CTNNA3: variants seen among roughly 807,000 people sequenced by gnomAD.
CTNNA3 encodes the protein catenin alpha-3.
Under a neutral mutation model 95.7 loss-of-function variants are expected in CTNNA3, and 76 were observed. The ratio of observed to expected loss-of-function variants is 0.79; its 90% CI spans 0.66 to 0.96. The LOEUF (loss-of-function observed/expected upper bound fraction) is 0.96. Among genes scored for constraint, CTNNA3 ranks in the 40% least tolerant of loss-of-function variants. CTNNA3 has a pLI of 0.00. For synonymous variants in CTNNA3, 431 were observed against 374.4 expected, an observed-to-expected ratio of 1.15 and a Z score of -1.74; for missense variants, 1,191 against 1,089.8, an observed-to-expected ratio of 1.09 and a Z score of -1.31.
At chr10:66,791,045 C>G (rs538418756) in intron 7 of CTNNA3, among the ~76,000 whole-genome samples, 61 of 152,210 alleles carry the variant, frequency 4.0e-4, no homozygotes, top group Middle Eastern at 6.8e-3. Context: ...TTTTACCCTC[C>G]CAGTGTTCAA....
intron 12 of CTNNA3, among the ~76,000 whole-genome samples, chr10:66,344,719 A>T (rs1004350160): frequency 9.9e-5 from 15 of 152,114 alleles, no homozygotes; most frequent in African/African-American, 3.6e-4. Flanking sequence ...ATGAAAGTTT[A>T]TGATTTCTAT....
chr10:67,713,296 G>A (rs1383175246), intron 1 of CTNNA3, among the ~76,000 whole-genome samples: 6 of 152,204 alleles, frequency 3.9e-5, no homozygotes, highest in Non-Finnish European at 8.8e-5. Context: ...AGATGCTGGA[G>A]AGCATGTGGA....
At chr10:67,386,758 G>T (rs1261335882) in intron 5 of CTNNA3, among the ~76,000 whole-genome samples, 1 of 152,170 alleles carries the variant, frequency 6.6e-6, no homozygotes, top group African/African-American at 2.4e-5. Flanking sequence ...TACTGAGAAT[G>T]ATAAAGGTAG....
chr10:67,052,767 G>C (rs1855191316), intron 7 of CTNNA3: 1 of 151,914 alleles, frequency 6.6e-6, no homozygotes, highest in South Asian at 2.1e-4. Flanking sequence ...AACAAACAAA[G>C]AAACAAACAA....
At chr10:66,320,235 G>A (rs1036356732) in intron 12 of CTNNA3, among the ~76,000 whole-genome samples, 4 of 152,004 alleles carry the variant, frequency 2.6e-5, no homozygotes, top group Non-Finnish European at 5.9e-5. Context: ...TTAGGCTGCT[G>A]TTTTAATTTC....
At chr10:67,211,877 A>C (rs1864153514) in intron 6 of CTNNA3, among the ~76,000 whole-genome samples, 1 of 152,070 alleles carries the variant, frequency 6.6e-6, no homozygotes, top group South Asian at 2.1e-4. Flanking sequence ...TTGCTCCTCT[A>C]TAAAGTACAC....
intron 3 of CTNNA3, among the ~76,000 whole-genome samples, chr10:67,569,897 G>A (rs1028640861): frequency 5.9e-5 from 9 of 151,830 alleles, no homozygotes; most frequent in Non-Finnish European, 1.3e-4. Context: ...TTCTCTTCTC[G>A]AGAGACTTTT....
At chr10:67,531,424 C>A (rs894828250) in intron 4 of CTNNA3, among the ~76,000 whole-genome samples, 2 of 152,168 alleles carry the variant, frequency 1.3e-5, no homozygotes, top group Non-Finnish European at 2.9e-5. Context: ...CAAAGGAGAT[C>A]ATTTTGGAGC....
chr10:66,035,982 C>A (rs549971580), intron 15 of CTNNA3, among the ~76,000 whole-genome samples: 1 of 152,122 alleles, frequency 6.6e-6, no homozygotes, highest in Non-Finnish European at 1.5e-5. Flanking sequence ...CCCATTTACT[C>A]TTATCCCACA....
chr10:66,909,573 T>TTCTGAAGGAAA (rs1846137119), intron 7 of CTNNA3, among the ~76,000 whole-genome samples: 1 of 152,020 alleles, frequency 6.6e-6, no homozygotes, highest in Admixed American at 6.5e-5. Context: ...GAAATTTCCT[T>TTCTGAAGGAAA]CAGAACAGGA....
chr10:66,761,387 G>A (rs899019612), intron 9 of CTNNA3, among the ~76,000 whole-genome samples: 1 of 151,970 alleles, frequency 6.6e-6, no homozygotes, highest in Non-Finnish European at 1.5e-5. Flanking sequence ...TCAAAGCACC[G>A]ACAAACCTGG....
At chr10:67,552,918 A>T (rs1173876839) in intron 3 of CTNNA3, among the ~76,000 whole-genome samples, 1 of 152,086 alleles carries the variant, frequency 6.6e-6, no homozygotes, top group East Asian at 1.9e-4. Flanking sequence ...GTCTGTCATT[A>T]ATGGATGCAA....
chr10:66,867,322 G>A (rs551815921), intron 7 of CTNNA3, among the ~76,000 whole-genome samples: 43 of 152,248 alleles, frequency 2.8e-4, no homozygotes, highest in African/African-American at 9.4e-4. Context: ...TCCACAGGGT[G>A]GACATGCTTT....
At chr10:66,420,841 A>ATAAAAAC (rs1324728982) in intron 11 of CTNNA3, among the ~76,000 whole-genome samples, 353 of 147,678 alleles carry the variant, frequency 2.4e-3, no homozygotes, top group African/African-American at 8.3e-3. Context: ...AAATAAATAA[A>ATAAAAAC]AAACAATATG....
chr10:66,873,967 T>C (rs1844512623), intron 7 of CTNNA3, among the ~76,000 whole-genome samples: 1 of 152,130 alleles, frequency 6.6e-6, no homozygotes, highest in African/African-American at 2.4e-5. Context: ...GGATTAAACA[T>C]GTAAGCATTT....
chr10:66,354,314 TA>T (rs71466865), intron 12 of CTNNA3, among the ~76,000 whole-genome samples: 7,088 of 146,566 alleles, frequency 0.048, 363 homozygotes, highest in East Asian at 0.23. Flanking sequence ...CTATGAACAC[TA>T]AAAAAAAAAA....
intron 13 of CTNNA3, among the ~76,000 whole-genome samples, chr10:66,244,783 G>A (rs1284200458): frequency 6.6e-6 from 1 of 152,100 alleles, no homozygotes; most frequent in East Asian, 1.9e-4. Context: ...TACACACAAG[G>A]CAGACTGTGA....
intron 7 of CTNNA3, among the ~76,000 whole-genome samples, chr10:66,877,206 G>C (rs1844658744): frequency 6.6e-6 from 1 of 152,108 alleles, no homozygotes; most frequent in Admixed American, 6.6e-5. Flanking sequence ...GTAAGGGTTT[G>C]GGCACTGTGT....
At position 66,493,597 on chromosome 10, in the gene CTNNA3, G is replaced by GTTTTTTTTTTTTTT. The variant is rs1589329310; in HGVS notation, c.1531+27019_1531+27020insAAAAAAAAAAAAAA. Among the ~76,000 whole-genome samples the GTTTTTTTTTTTTTT allele has an allele frequency of 1.1e-4, 13 of 119,552 alleles. No individual in the cohort carries two copies. In the East Asian group the frequency reaches 1.4e-3, roughly 12 times the overall value. 78.4% of individuals were successfully genotyped at this position (119,552 alleles called of 152,430 possible). ...AAGGGTTGGCTAACATTTAACTACA[G>GTTTTTTTTTTTTTT]TATTTTTTTTTTTTTTTTTTTTGAG... On this transcript the variant is annotated intron_variant, in intron 11 of 17. Transcript: ENST00000433211.
Sources: gnomAD v4.1 joint callset for allele counts (sites outside exome capture counted in the v4.1 genomes callset) on GRCh38, gnomAD v4.1.1 for gene constraint, MANE v1.5 for transcripts, NCBI Gene and HGNC (gene_info 2026-07-23, HGNC 2026-07-21) for gene names.